The following WWOX variants were observed in gnomAD, a reference collection of about 807,000 sequenced individuals.
The protein encoded by WWOX is WW domain containing oxidoreductase.
In WWOX, 69 loss-of-function variants were observed where a neutral mutation model predicts 46.2. The ratio of observed to expected loss-of-function variants is 1.49; its 90% CI spans 1.23 to 1.82. The LOEUF (loss-of-function observed/expected upper bound fraction) is 1.82, where lower values mean the gene tolerates loss of function less well. Among genes scored for constraint, WWOX ranks in the 40% most tolerant of loss-of-function variants. WWOX has a pLI of 0.00. For synonymous variants in WWOX, 359 were observed against 202.6 expected (o/e 1.77, Z -6.56); for missense variants, 919 against 542.6 (o/e 1.69, Z -6.89).
intron 8 of WWOX, among the ~76,000 whole-genome samples, chr16:79,025,702 A>T (rs2151389658): frequency 6.6e-6 from 1 of 152,250 alleles, no homozygotes; most frequent in Middle Eastern, 3.4e-3. Context: ...AGATGCAGGA[A>T]ACTAATATAC....
At chr16:78,807,766 T>G (rs1021278126) in intron 8 of WWOX, among the ~76,000 whole-genome samples, 3 of 152,230 alleles carry the variant, frequency 2.0e-5, no homozygotes, top group Non-Finnish European at 2.9e-5. Context: ...TAGAGCTGCT[T>G]GTTTGTCTGA....
At chr16:78,583,909 A>G (rs1224747901) in intron 8 of WWOX, among the ~76,000 whole-genome samples, 1 of 152,208 alleles carries the variant, frequency 6.6e-6, no homozygotes, top group East Asian at 1.9e-4. Flanking sequence ...TATTTTAGGC[A>G]TCCTCACAAA....
chr16:78,818,429 C>G (rs929015851), intron 8 of WWOX, among the ~76,000 whole-genome samples: 1 of 152,214 alleles, frequency 6.6e-6, no homozygotes, highest in East Asian at 1.9e-4. Flanking sequence ...AGCCCTAGGA[C>G]AAGGCAGGCC....
At chr16:78,332,096 A>G (rs2080771512) in intron 5 of WWOX, among the ~76,000 whole-genome samples, 1 of 152,106 alleles carries the variant, frequency 6.6e-6, no homozygotes, top group African/African-American at 2.4e-5. Flanking sequence ...CTGGGCCATG[A>G]AAGACAACTT....
At chr16:78,880,674 C>CTGA (rs1237529532) in intron 8 of WWOX, among the ~76,000 whole-genome samples, 3 of 152,182 alleles carry the variant, frequency 2.0e-5, no homozygotes, top group Non-Finnish European at 4.4e-5. Flanking sequence ...GCCGAACTTG[C>CTGA]TGATGTACTC....
chr16:78,990,008 C>G (rs12447639), intron 8 of WWOX, among the ~76,000 whole-genome samples: 3,007 of 151,764 alleles, frequency 0.02, 56 homozygotes, highest in Non-Finnish European at 0.031. Flanking sequence ...CACGGCAAAG[C>G]CCTCATCTCT....
chr16:78,486,423 A>G (rs1019223674), intron 8 of WWOX, among the ~76,000 whole-genome samples: 1 of 152,198 alleles, frequency 6.6e-6, no homozygotes, highest in African/African-American at 2.4e-5. Context: ...TGAATCATAC[A>G]TTTATCTACT....
intron 8 of WWOX, among the ~76,000 whole-genome samples, chr16:78,841,915 G>C (rs1236407788): frequency 1.3e-5 from 2 of 152,166 alleles, no homozygotes; most frequent in Non-Finnish European, 2.9e-5. Context: ...TATTGGGCTT[G>C]AGTATCCTGA....
intron 8 of WWOX, among the ~76,000 whole-genome samples, chr16:78,761,214 C>G (rs144882100): frequency 8.3e-4 from 126 of 152,152 alleles, no homozygotes; most frequent in African/African-American, 2.9e-3. Flanking sequence ...AGTTAATGGC[C>G]TCATCTTTTC....
chr16:79,189,672 C>T (rs1244354519), intron 8 of WWOX, among the ~76,000 whole-genome samples: 1 of 151,870 alleles, frequency 6.6e-6, no homozygotes, highest in African/African-American at 2.4e-5. Context: ...TTGAGGTTAT[C>T]TTTTGACAAT....
At chr16:78,332,221 T>G (rs550473072) in intron 5 of WWOX, among the ~76,000 whole-genome samples, 1 of 152,284 alleles carries the variant, frequency 6.6e-6, no homozygotes, top group East Asian at 1.9e-4. Flanking sequence ...GACTGGAAAC[T>G]TGCCTAAAGA....
intron 8 of WWOX, among the ~76,000 whole-genome samples, chr16:79,088,397 G>A (rs1379330779): frequency 6.6e-6 from 1 of 152,206 alleles, no homozygotes; most frequent in Admixed American, 6.5e-5. Flanking sequence ...ATCAGATAAA[G>A]ACAGGGTTTG....
chr16:78,407,009 G>C (rs902472497), intron 6 of WWOX, among the ~76,000 whole-genome samples: 3 of 152,340 alleles, frequency 2.0e-5, no homozygotes, highest in Non-Finnish European at 4.4e-5. Flanking sequence ...ATTTTGGGCA[G>C]CTGTGGCCTT....
At chr16:79,108,526 C>T (rs895282203) in intron 8 of WWOX, among the ~76,000 whole-genome samples, 1 of 152,234 alleles carries the variant, frequency 6.6e-6, no homozygotes, top group African/African-American at 2.4e-5. Flanking sequence ...CCTGGATGAA[C>T]CACCATCTGG....
intron 5 of WWOX, among the ~76,000 whole-genome samples, chr16:78,339,464 T>C (rs2080966264): frequency 8.4e-6 from 1 of 119,636 alleles, no homozygotes; most frequent in Non-Finnish European, 2.0e-5. Flanking sequence ...TTGGTGATGT[T>C]CTTTTTAAAA....
At chr16:79,201,924 A>T (rs973648764) in intron 8 of WWOX, among the ~76,000 whole-genome samples, 2 of 152,240 alleles carry the variant, frequency 1.3e-5, no homozygotes, top group Non-Finnish European at 2.9e-5. Context: ...TCATTTGATC[A>T]AATCATTTCC....
chr16:78,971,223 G>C (rs2046462204), intron 8 of WWOX, among the ~76,000 whole-genome samples: 1 of 152,004 alleles, frequency 6.6e-6, no homozygotes. Flanking sequence ...CACTTTGAGA[G>C]GCTGAGGCGG....
At chr16:78,730,057 C>T (rs1451563241) in intron 8 of WWOX, among the ~76,000 whole-genome samples, 1 of 152,114 alleles carries the variant, frequency 6.6e-6, no homozygotes, top group East Asian at 1.9e-4. Context: ...TTGATATATC[C>T]ATTTTTTAGT....
At chr16:78,951,491 C>G (rs1043955232) in intron 8 of WWOX, among the ~76,000 whole-genome samples, 7 of 147,054 alleles carry the variant, frequency 4.8e-5, no homozygotes, top group African/African-American at 1.8e-4. Flanking sequence ...ACCATATAGA[C>G]TGTGAGGTAT....
Sources: allele counts gnomAD v4.1 joint callset (sites outside exome capture counted in the v4.1 genomes callset), GRCh38; gene constraint gnomAD v4.1.1; transcripts MANE v1.5; gene names NCBI Gene and HGNC (gene_info 2026-07-23, HGNC 2026-07-21).